The following LARP1B variants were observed in gnomAD, a reference collection of about 807,000 sequenced individuals.
LARP1B encodes La ribonucleoprotein 1B.
LARP1B carries 76 observed loss-of-function variants against 114.2 expected under a neutral mutation model. The observed-to-expected ratio is 0.67, with a 90% CI of 0.55 to 0.81. The LOEUF is 0.81. LARP1B is among the 30% of genes least tolerant of loss of function. LARP1B has a pLI of 0.00. For missense variants in LARP1B, 1,014 were observed against 1,075.8 expected (o/e 0.94, Z 0.80); for synonymous variants, 345 against 348.0 (o/e 0.99, Z 0.10).
intron 1 of LARP1B, among the ~76,000 whole-genome samples, chr4:128,062,645 A>AT (rs1760700523): frequency 7.6e-6 from 1 of 131,904 alleles, no homozygotes; most frequent in African/African-American, 2.8e-5. Context: ...GAGCAAGGGG[A>AT]TTTATTCGTA....
At chr4:128,107,652 T>TA (rs1782575670) in intron 9 of LARP1B, 3 of 1,420,134 alleles carry the variant, frequency 2.1e-6, no homozygotes, top group Non-Finnish European at 2.7e-6. Context: ...TGGATTATTC[T>TA]AAAAAGGTCT....
intron 11 of LARP1B, among the ~76,000 whole-genome samples, chr4:128,142,745 T>G (rs868846338): frequency 3.3e-4 from 50 of 152,048 alleles, no homozygotes; most frequent in African/African-American, 1.1e-3. Flanking sequence ...CAACCTCAGG[T>G]GATCTGCCCG....
intron 1 of LARP1B, among the ~76,000 whole-genome samples, chr4:128,065,332 T>G (rs1762326704): frequency 1.0e-5 from 1 of 96,260 alleles, no homozygotes; most frequent in Admixed American, 1.2e-4. Flanking sequence ...TCTCTCTCTC[T>G]TTCCTTTCTT....
chr4:128,206,232 C>T (rs566469589), intron 17 of LARP1B, among the ~76,000 whole-genome samples, 196 bp from the exon 18 acceptor site: 83 of 152,222 alleles, frequency 5.5e-4, no homozygotes, highest in African/African-American at 2.0e-3. Context: ...GCGGAGGTTG[C>T]AGTGAGCCGA....
chr4:128,091,482 C>G lies in LARP1B; in HGVS notation c.638C>G (p.Ala213Gly). The G allele has an allele frequency of 6.2e-7, 1 of 1,609,522 alleles. No individual in the cohort carries two copies. The change falls in exon 7 of 20, where the codon GCA becomes GGA. Residue 213 changes from alanine (A) to glycine (G), a missense_variant. By Grantham distance (60) the Ala-to-Gly change is moderately conservative (BLOSUM62 0). Coordinates refer to ENST00000326639, the MANE Select transcript of LARP1B (RefSeq NM_018078.4). ...TGVQVYPVEEALLKEYIKRQI... is the reference protein window; with the variant it reads ...TGVQVYPVEEGLLKEYIKRQI... ...GTACAGGTGTATCCTGTGGAAGAAG[C>G]ATTGCTTAAAGAGTATATTAAGCGT...
intron 11 of LARP1B, among the ~76,000 whole-genome samples, chr4:128,159,137 C>T (rs1266980039): frequency 1.3e-5 from 2 of 148,424 alleles, no homozygotes; most frequent in Non-Finnish European, 3.0e-5. Flanking sequence ...CGTACCACTG[C>T]GTTCCAGTCT....
At chr4:128,133,477 A>G (rs544809119) in intron 11 of LARP1B, among the ~76,000 whole-genome samples, 1 of 152,192 alleles carries the variant, frequency 6.6e-6, no homozygotes, top group Non-Finnish European at 1.5e-5. Context: ...TCCCAATGGC[A>G]TTTTTTGCAC....
intron 11 of LARP1B, among the ~76,000 whole-genome samples, chr4:128,151,514 C>T: frequency 6.6e-6 from 1 of 151,202 alleles, no homozygotes. Flanking sequence ...TTTGGCTATT[C>T]ATGACATTGA....
At position 128,178,468 on chromosome 4, in the gene LARP1B, T is replaced by C; in HGVS notation, c.1722T>C (p.Val574=). The C allele has an allele frequency of 6.2e-7, 1 of 1,613,818 alleles. No individual in the cohort carries two copies. The highest frequency in any genetic ancestry group is 8.5e-7 in the Non-Finnish European group (1 of 1,179,756). Residue 574 remains valine, a synonymous_variant, in exon 14 of 20, where the codon GTT becomes GTC. Coordinates refer to ENST00000326639, the MANE Select transcript of LARP1B (RefSeq NM_018078.4). ...AATTAGCTCAGAAGTTATTTGATGTTTCAGAAATAACTTCAGCAGCAATGG... is the reference window on the plus strand; with the variant it reads ...AATTAGCTCAGAAGTTATTTGATGTCTCAGAAATAACTTCAGCAGCAATGG... ...TDELAQKLFD[V]SEITSAAMVH...
chr4:128,079,710 T>C (rs550951266), intron 4 of LARP1B, among the ~76,000 whole-genome samples: 1 of 152,070 alleles, frequency 6.6e-6, no homozygotes, highest in African/African-American at 2.4e-5. Context: ...ACTACAGGCA[T>C]GTGCCACCAT....
At position 128,091,462 on chromosome 4, in the gene LARP1B, G is replaced by T; in HGVS notation, c.618G>T (p.Gln206His). ...MYYYDDGTGV[Q>H]VYPVEEALLK... ...ACTATGATGATGGTACAGGTGTACA[G>T]GTGTATCCTGTGGAAGAAGCATTGC... The change falls in exon 7 of 20, where the codon CAG (glutamine) becomes CAT (histidine). Residue 206 changes from glutamine to histidine, a missense_variant. Gln to His is a conservative substitution (Grantham distance 24). Transcript: ENST00000326639. The T allele has an allele frequency of 6.2e-7, 1 of 1,610,260 alleles. No homozygotes were observed. Among genetic ancestry groups the T allele is most frequent in the South Asian group, 1.1e-5 (1 of 90,128 alleles).
intron 8 of LARP1B, among the ~76,000 whole-genome samples, chr4:128,099,279 TTTTTTTCTTTC>T (rs1779412291): frequency 1.3e-5 from 2 of 150,714 alleles, no homozygotes; most frequent in East Asian, 2.0e-4. Flanking sequence ...CTGCTTTTTC[TTTTTTTCTTTC>T]TTTTTTTTTT....
chr4:128,201,774 C>T (rs1267387845), intron 17 of LARP1B, among the ~76,000 whole-genome samples: 1 of 151,972 alleles, frequency 6.6e-6, no homozygotes, highest in Admixed American at 6.6e-5. Flanking sequence ...AGGAACATGG[C>T]GTGGACTCAT....
chr4:128,083,856 C>T (rs1448711017), intron 5 of LARP1B, among the ~76,000 whole-genome samples: 1 of 151,942 alleles, frequency 6.6e-6, no homozygotes, highest in Non-Finnish European at 1.5e-5. Flanking sequence ...ACGCTCCTCA[C>T]TTCCCAGACG....
intron 1 of LARP1B, among the ~76,000 whole-genome samples, chr4:128,065,963 G>T (rs949413751): frequency 1.1e-4 from 17 of 151,674 alleles, no homozygotes; most frequent in Non-Finnish European, 2.2e-4. Context: ...TGACAGGCAC[G>T]CATGTCATTC....
At chr4:128,196,709 C>T (rs1245377931) in intron 15 of LARP1B, among the ~76,000 whole-genome samples, 1 of 151,522 alleles carries the variant, frequency 6.6e-6, no homozygotes, top group Non-Finnish European at 1.5e-5. Context: ...AGTTATATAT[C>T]AAAAGTATTG....
At chr4:128,174,842 C>T (rs1393844546) in intron 12 of LARP1B, among the ~76,000 whole-genome samples, 1 of 152,090 alleles carries the variant, frequency 6.6e-6, no homozygotes, top group East Asian at 1.9e-4. Flanking sequence ...TAAATTTTTA[C>T]AGCACCATTA....
intron 6 of LARP1B, among the ~76,000 whole-genome samples, chr4:128,217,899 C>A (rs184778840): frequency 6.9e-6 from 1 of 144,238 alleles, no homozygotes; most frequent in Admixed American, 7.2e-5. Context: ...AAAACCCCAT[C>A]GTCTCAGCCC....
chr4:128,138,729 A>T (rs1001674225), intron 11 of LARP1B, among the ~76,000 whole-genome samples: 2 of 152,184 alleles, frequency 1.3e-5, no homozygotes, highest in Non-Finnish European at 2.9e-5. Flanking sequence ...AGGCCAAGCC[A>T]GGTGGATTAC....
Sources: allele counts gnomAD v4.1 joint callset (sites outside exome capture counted in the v4.1 genomes callset), GRCh38; gene constraint gnomAD v4.1.1; transcripts MANE v1.5; gene names NCBI Gene and HGNC (gene_info 2026-07-23, HGNC 2026-07-21).